Variants in COL12A1 observed in about 807,000 individuals in gnomAD.
COL12A1 encodes collagen alpha-1(XII) chain.
A neutral mutation model predicts 349.7 loss-of-function variants in COL12A1; 114 were observed. The observed-to-expected ratio is 0.33, with a 90% CI of 0.28 to 0.38. The LOEUF (loss-of-function observed/expected upper bound fraction) is 0.38, where lower values mean the gene tolerates loss of function less well. Ranked by LOEUF, COL12A1 falls within the 10% of genes least tolerant of loss-of-function variation. The pLI is 1.00. For synonymous variants in COL12A1, 1,369 were observed against 1,329.0 expected, an observed-to-expected ratio of 1.03 and a Z score of -0.66; for missense variants, 3,284 against 3,756.9, an observed-to-expected ratio of 0.87 and a Z score of 3.29.
At chr6:75,186,211 C>G (rs919416021) in intron 8 of COL12A1, among the ~76,000 whole-genome samples, 8 of 152,164 alleles carry the variant, frequency 5.3e-5, no homozygotes, top group African/African-American at 1.7e-4. Flanking sequence ...TTTTTGCAAA[C>G]TATGCATCCA....
chr6:75,100,831 C>G (rs1768272018), intron 58 of COL12A1, among the ~76,000 whole-genome samples: 1 of 152,110 alleles, frequency 6.6e-6, no homozygotes, highest in Non-Finnish European at 1.5e-5. Flanking sequence ...ATTGATTAAT[C>G]AAAATACAAA....
At position 75,126,441 on chromosome 6, in the gene COL12A1, T is replaced by C. The variant is rs1339963289; in HGVS notation, c.6370A>G (p.Ile2124Val). Residue 2124 changes from isoleucine to valine, a missense_variant, in exon 39 of 66, where the codon ATC (isoleucine) becomes GTC (valine). This residue lies in a region of COL12A1 where 2,601 missense variants were observed against 2,824.8 expected (regional missense o/e 0.92). Coordinates refer to ENST00000322507, the MANE Select transcript of COL12A1 (RefSeq NM_004370.6). ...AATCTTGTATACCATTCGTCAGAGA[T>C]GTGTATGTTCTGAGGAGGAAGGAGT... The part of the protein sequence containing the change: ...VGLLPPQNIH[I>V]SDEWYTRFRV... The C allele has an allele frequency of 6.8e-6, 11 of 1,611,188 alleles. No homozygotes were observed. The highest frequency in any genetic ancestry group is 9.3e-6 in the Non-Finnish European group (11 of 1,177,852).
intron 52 of COL12A1, 51 bp downstream of exon 52, chr6:75,108,967 C>A (rs2149352852): frequency 6.5e-7 from 1 of 1,546,246 alleles, no homozygotes; most frequent in East Asian, 2.3e-5. Flanking sequence ...AGAAAAATGC[C>A]ATTTCAATCT....
rs1227061300 is a variant in COL12A1 at position 75,138,871 on chromosome 6, G to T, written c.5048C>A (p.Ser1683Tyr). Residue 1683 changes from serine (S) to tyrosine (Y), a missense_variant, in exon 28 of 66, where the codon TCT (serine) becomes TAT (tyrosine). Transcript: ENST00000322507. ...GTWDHGASDV[S>Y]LYRITWAPFG... ...AGGTGCCCAAGTTATTCTGTAGAGA[G>T]ACACATCTGAAGCTCCATGATCCCA... is the stretch of plus-strand genomic sequence containing the variant. 6.2e-7 allele frequency: 1 copy of T among 1,614,086 alleles called. No individual in the cohort carries two copies. Among genetic ancestry groups the T allele is most frequent in the South Asian group, 1.1e-5 (1 of 91,084 alleles).
chr6:75,194,445 T>G (rs957081906), intron 3 of COL12A1, among the ~76,000 whole-genome samples: 3 of 152,192 alleles, frequency 2.0e-5, no homozygotes, highest in African/African-American at 7.2e-5. Flanking sequence ...TGTAGGACAC[T>G]GGGTAAGGTG....
intron 31 of COL12A1, among the ~76,000 whole-genome samples, chr6:75,136,443 G>T (rs910564394): frequency 6.6e-6 from 1 of 152,138 alleles, no homozygotes; most frequent in African/African-American, 2.4e-5. Flanking sequence ...ATTCAGCTAA[G>T]CTTACTTACT....
In COL12A1 at chr6:75,085,085, G is replaced by A. The variant is rs1229328886; in HGVS notation, c.*1462C>T. 1 of 356,096 alleles carries A rather than the reference G, an allele frequency of 2.8e-6. No individual in the cohort carries two copies. Among genetic ancestry groups the A allele is most frequent in the East Asian group, 7.5e-5 (1 of 13,364 alleles). The allele number at this position is 356,096 out of a possible 1,614,324, so 22.1% of individuals were successfully genotyped here. A position where few individuals can be genotyped will look rare whatever the true frequency, so the allele number is the denominator to read the frequency against. On this transcript the variant is annotated 3_prime_UTR_variant, in exon 66 of 66. Coordinates refer to ENST00000322507, the MANE Select transcript of COL12A1 (RefSeq NM_004370.6). ...GAAAGGGTACTCCTGGATGAGCAAC[G>A]CTGGAAGAAACACCTCAGAAAAGAC...
intron 17 of COL12A1, 42 bp downstream of exon 17, chr6:75,154,374 T>C (rs1241026185): frequency 6.3e-7 from 1 of 1,595,494 alleles, no homozygotes; most frequent in Non-Finnish European, 8.6e-7. Context: ...TGAAATAGTT[T>C]CCTAAGTTGT....
intron 31 of COL12A1, among the ~76,000 whole-genome samples, chr6:75,136,248 A>G (rs1182626080): frequency 1.3e-5 from 2 of 152,212 alleles, no homozygotes; most frequent in African/African-American, 4.8e-5. Flanking sequence ...ATATCAGTCC[A>G]TCTAATTTGT....
intron 13 of COL12A1, among the ~76,000 whole-genome samples, chr6:75,174,311 A>G (rs1768796389): frequency 6.6e-6 from 1 of 152,092 alleles, no homozygotes; most frequent in African/African-American, 2.4e-5. Flanking sequence ...TAATCCCAGC[A>G]TTTTGGTGGC....
At chr6:75,171,961 A>G (rs1768659110) in intron 13 of COL12A1, among the ~76,000 whole-genome samples, 1 of 152,406 alleles carries the variant, frequency 6.6e-6, no homozygotes, top group Admixed American at 6.5e-5. Flanking sequence ...ATAAATGAAC[A>G]AAATGTCCAT....
At chr6:75,180,813 G>A (rs527962816) in intron 11 of COL12A1, 126 bp downstream of exon 11, 1 of 1,146,140 alleles carries the variant, frequency 8.7e-7, no homozygotes, top group African/African-American at 1.5e-5. Flanking sequence ...GTCTTTTAAA[G>A]ATGCCAAATC....
At position 75,105,477 on chromosome 6, in the gene COL12A1, C is replaced by T. The variant is rs60662800; in HGVS notation, c.8179-185G>A. ...CTTTATGTCTTTATTTTATGCATTA[C>T]GTTAGGAAACCTCACTGACAAAGAA... On this transcript the variant is annotated intron_variant, in intron 53 of 65. Coordinates refer to ENST00000322507, the MANE Select transcript of COL12A1 (RefSeq NM_004370.6). 3.0e-4 allele frequency among the ~76,000 whole-genome samples: 45 copies of T among 152,118 alleles called. No homozygotes were observed. In the East Asian group the frequency reaches 5.2e-3, roughly 18 times the overall value.
At chr6:75,103,077 A>G (rs2149344814) in intron 55 of COL12A1, among the ~76,000 whole-genome samples, 1 of 152,278 alleles carries the variant, frequency 6.6e-6, no homozygotes, top group South Asian at 2.1e-4. Context: ...CTGGGACTAA[A>G]GGATATATAA....
chr6:75,133,362 A>G lies in COL12A1; in HGVS notation c.5725T>C (p.Tyr1909His), dbSNP rs1766407821. ...TAAACGGGAACTACAGTCACAGTGTATGAGGTATCTGGCTGCAGATTCCTA... is the reference window on the plus strand; with the variant it reads ...TAAACGGGAACTACAGTCACAGTGTGTGAGGTATCTGGCTGCAGATTCCTA... Reference protein sequence around the residue: ...ILRNLQPDTSYTVTVVPVYTE... With the variant: ...ILRNLQPDTSHTVTVVPVYTE... Residue 1909 changes from tyrosine (Y) to histidine (H), a missense_variant, in exon 34 of 66, where the codon TAC becomes CAC. This residue lies in a region of COL12A1 where 2,601 missense variants were observed against 2,824.8 expected (regional missense o/e 0.92). Coordinates refer to ENST00000322507, the MANE Select transcript of COL12A1 (RefSeq NM_004370.6). 2 of 1,613,382 alleles carry G rather than the reference A, an allele frequency of 1.2e-6. No individual in the cohort carries two copies. Among genetic ancestry groups the G allele is most frequent in the Non-Finnish European group, 1.7e-6 (2 of 1,179,602 alleles).
intron 43 of COL12A1, 29 bp downstream of exon 43, chr6:75,123,301 G>A (rs776316456): frequency 2.5e-6 from 4 of 1,581,060 alleles, no homozygotes; most frequent in East Asian, 4.5e-5. Flanking sequence ...CCTATCAGCT[G>A]AACGTATTGC....
chr6:75,145,611 CTT>C (rs56698330), intron 24 of COL12A1, among the ~76,000 whole-genome samples, 156 bp from the exon 25 acceptor site: 14 of 121,144 alleles, frequency 1.2e-4, no homozygotes, highest in Admixed American at 2.5e-4. Flanking sequence ...CTGATGTTTT[CTT>C]TTTTTTTTTT....
At chr6:75,140,672 A>T (rs1415768221) in intron 27 of COL12A1, among the ~76,000 whole-genome samples, 1 of 151,340 alleles carries the variant, frequency 6.6e-6, no homozygotes, top group East Asian at 1.9e-4. Flanking sequence ...AAAAAAAAAA[A>T]AAAAAAGCAG....
At chr6:75,121,146 C>T (rs1326720274) in intron 44 of COL12A1, among the ~76,000 whole-genome samples, 156 bp downstream of exon 44, 1 of 152,100 alleles carries the variant, frequency 6.6e-6, no homozygotes, top group African/African-American at 2.4e-5. Flanking sequence ...ATCATTTATA[C>T]CCAATTCCCT....
Sources: gnomAD v4.1 joint callset for allele counts (sites outside exome capture counted in the v4.1 genomes callset) on GRCh38, gnomAD v4.1.1 for gene constraint, gnomAD v4.1.1 regional missense constraint, MANE v1.5 for transcripts, NCBI Gene and HGNC (gene_info 2026-07-23, HGNC 2026-07-21) for gene names.